The following EXT2 variants were observed in gnomAD, a reference collection of about 807,000 sequenced individuals.
The protein encoded by EXT2 is exostosin glycosyltransferase 2.
A neutral mutation model predicts 81.6 loss-of-function variants in EXT2; 53 were observed. The ratio of observed to expected loss-of-function variants is 0.65; its 90% CI spans 0.52 to 0.82. The LOEUF (loss-of-function observed/expected upper bound fraction) is 0.82. Among genes scored for constraint, EXT2 ranks in the 40% least tolerant of loss-of-function variants. The probability of loss-of-function intolerance (pLI) is 0.00; values close to 1 mark genes in which losing one functional copy is unlikely to be tolerated. For missense variants in EXT2, 774 were observed against 910.2 expected (o/e 0.85, Z 1.93); for synonymous variants, 320 against 340.0 (o/e 0.94, Z 0.65).
intron 9 of EXT2, among the ~76,000 whole-genome samples, chr11:44,203,883 T>A (rs980318275): frequency 1.3e-5 from 2 of 152,176 alleles, no homozygotes; most frequent in African/African-American, 4.8e-5. Context: ...AAAGAAGAGA[T>A]GTTTACAGGG....
At chr11:44,156,003 T>A (rs1207872431) in intron 7 of EXT2, among the ~76,000 whole-genome samples, 1 of 152,200 alleles carries the variant, frequency 6.6e-6, no homozygotes, top group Non-Finnish European at 1.5e-5. Context: ...TTGCCAGATA[T>A]ACTCTAAAAG....
At chr11:44,197,761 T>C in intron 8 of EXT2, 68 bp from the exon 9 acceptor site, 1 of 1,556,504 alleles carries the variant, frequency 6.4e-7, no homozygotes, top group South Asian at 1.1e-5. Context: ...TTGGGTTTGC[T>C]GACGATATTG....
rs140556149 is a variant in EXT2, at chr11:44,228,447, C to T, written c.1663-3906C>T. 1.4e-4 allele frequency among the ~76,000 whole-genome samples: 22 copies of T among 152,266 alleles called. No homozygotes were observed. The East Asian group carries it at 3.9e-3, about 27-fold the overall frequency. ...ACAGGGTAGAGTTTGAGCTCTTGCT[C>T]GTCTGGCTGGGAAAATGCTTTACTG... is the stretch of plus-strand genomic sequence containing the variant. On this transcript the variant is annotated intron_variant, in intron 10 of 13. Coordinates refer to ENST00000533608, the MANE Select transcript of EXT2 (RefSeq NM_207122.2).
chr11:44,223,665 T>TA (rs1955806009), intron 10 of EXT2, among the ~76,000 whole-genome samples: 1 of 151,136 alleles, frequency 6.6e-6, no homozygotes, highest in Admixed American at 6.6e-5. Flanking sequence ...TTTTTTTTTT[T>TA]TTGTGACGGA....
intron 10 of EXT2, among the ~76,000 whole-genome samples, chr11:44,218,591 G>C (rs1955746072): frequency 6.6e-6 from 1 of 152,066 alleles, no homozygotes. Flanking sequence ...CTTAGTGTTT[G>C]AATGGATTGA....
At chr11:44,135,280 G>C (rs1486053869) in intron 7 of EXT2, among the ~76,000 whole-genome samples, 1 of 152,152 alleles carries the variant, frequency 6.6e-6, no homozygotes, top group Non-Finnish European at 1.5e-5. Context: ...GGTTTCCATA[G>C]CCGTAGTAGT....
intron 1 of EXT2, among the ~76,000 whole-genome samples, chr11:44,106,540 C>T (rs1954057256): frequency 6.6e-6 from 1 of 152,190 alleles, no homozygotes; most frequent in South Asian, 2.1e-4. Flanking sequence ...TTCTCTCCCT[C>T]ATTAGAGTAG....
chr11:44,199,245 A>G (rs1461974532), intron 9 of EXT2, among the ~76,000 whole-genome samples: 1 of 152,260 alleles, frequency 6.6e-6, no homozygotes. Context: ...AGATGTGGGC[A>G]TCATTTAAGA....
At chr11:44,192,187 G>A (rs1052449376) in intron 8 of EXT2, among the ~76,000 whole-genome samples, 4 of 152,050 alleles carry the variant, frequency 2.6e-5, no homozygotes, top group Admixed American at 1.3e-4. Flanking sequence ...TGCACATGCC[G>A]CTCAGCTTGC....
In EXT2 at chr11:44,250,459, G is replaced by A. The variant is rs1322605293; in HGVS notation, c.*6172G>A. Among the ~76,000 whole-genome samples, 2 of 152,146 alleles carry A rather than the reference G, an allele frequency of 1.3e-5. No individual in the cohort carries two copies. The highest frequency in any genetic ancestry group is 2.1e-4 in the South Asian group (1 of 4,818). ...CTCTTCCCCTTTTATTAACCAGATCGTTTACCAGATTGTACCTGGTGATGC... is the reference window on the plus strand; with the variant it reads ...CTCTTCCCCTTTTATTAACCAGATCATTTACCAGATTGTACCTGGTGATGC... On this transcript the variant is annotated 3_prime_UTR_variant, in exon 14 of 14. Coordinates refer to ENST00000533608, the MANE Select transcript of EXT2 (RefSeq NM_207122.2).
intron 2 of EXT2, among the ~76,000 whole-genome samples, chr11:44,108,742 A>G (rs1255162424): frequency 2.0e-5 from 3 of 152,238 alleles, no homozygotes; most frequent in Admixed American, 6.5e-5. Context: ...TCCAAATGGG[A>G]TCACACAGTA....
chr11:44,192,144 G>A lies in EXT2; in HGVS notation c.1306-5685G>A, dbSNP rs558946587. On this transcript the variant is annotated intron_variant, in intron 8 of 13. Coordinates refer to ENST00000533608, the MANE Select transcript of EXT2 (RefSeq NM_207122.2). ...CTCCCAGCAAGCTGTGAGGTGCCCT[G>A]TTGGATGGCTCACTGTCTTGTCAGC... 9.6e-4 allele frequency among the ~76,000 whole-genome samples: 146 copies of A among 152,324 alleles called. 2 individuals carry two copies. The highest frequency in any genetic ancestry group is 1.7e-3 in the Non-Finnish European group (113 of 68,028).
chr11:44,204,869 A>G (rs1955564162), intron 9 of EXT2, among the ~76,000 whole-genome samples: 1 of 152,126 alleles, frequency 6.6e-6, no homozygotes, highest in Non-Finnish European at 1.5e-5. Context: ...GATGACTGTT[A>G]TAATGTATTC....
At chr11:44,198,640 C>G (rs1394298123) in intron 9 of EXT2, among the ~76,000 whole-genome samples, 1 of 152,212 alleles carries the variant, frequency 6.6e-6, no homozygotes, top group African/African-American at 2.4e-5. Flanking sequence ...TTTGGTTTCT[C>G]ATTCAGTCTG....
chr11:44,225,827 C>T lies in EXT2; in HGVS notation c.1663-6526C>T, dbSNP rs143486364. 1.7e-3 allele frequency among the ~76,000 whole-genome samples: 259 copies of T among 152,252 alleles called. 3 individuals are homozygous for T. The highest frequency in any genetic ancestry group is 6.0e-3 in the African/African-American group (249 of 41,556). On this transcript the variant is annotated intron_variant, in intron 10 of 13. Coordinates refer to ENST00000533608, the MANE Select transcript of EXT2 (RefSeq NM_207122.2). Reference sequence around the variant, plus strand: ...TCATCTGTGCAATGAGGGAACTGGACCAAGTCACCTCTGCCTTCTACATGA... The same window carrying T: ...TCATCTGTGCAATGAGGGAACTGGATCAAGTCACCTCTGCCTTCTACATGA...
At position 44,114,173 on chromosome 11, in the gene EXT2, C is replaced by T. The variant is rs1296555949; in HGVS notation, c.627-12C>T. On this transcript the variant is annotated splice_polypyrimidine_tract_variant and intron_variant, in intron 3 of 13. Transcript: ENST00000533608. ...TTCTTTCTCATCGTTTAACAAAATA[C>T]TTTGCTTTCAGGGCCCTGTTGGCTG... is the stretch of plus-strand genomic sequence containing the variant. 3 of 1,611,510 alleles carry T rather than the reference C, an allele frequency of 1.9e-6. No homozygotes were observed. The highest frequency in any genetic ancestry group is 1.7e-5 in the Admixed American group (1 of 60,028).
At chr11:44,180,317 C>T (rs1466433959) in intron 8 of EXT2, among the ~76,000 whole-genome samples, 2 of 152,154 alleles carry the variant, frequency 1.3e-5, no homozygotes, top group Non-Finnish European at 2.9e-5. Flanking sequence ...CATCATTTTT[C>T]ATTAAAGTGG....
chr11:44,100,881 T>G (rs1953971683), intron 1 of EXT2, among the ~76,000 whole-genome samples: 1 of 152,100 alleles, frequency 6.6e-6, no homozygotes, highest in Admixed American at 6.6e-5. Context: ...CTTGGGCCAG[T>G]AGAGGTATGC....
intron 7 of EXT2, among the ~76,000 whole-genome samples, chr11:44,144,795 A>G (rs775687575): frequency 1.3e-5 from 2 of 152,094 alleles, no homozygotes; most frequent in Non-Finnish European, 2.9e-5. Context: ...CAGAGTATTC[A>G]TGAAGTCCTC....
Sources: allele counts gnomAD v4.1 joint callset (sites outside exome capture counted in the v4.1 genomes callset), GRCh38; gene constraint gnomAD v4.1.1; transcripts MANE v1.5; gene names NCBI Gene and HGNC (gene_info 2026-07-23, HGNC 2026-07-21).